Variants in DENR observed in about 807,000 individuals in gnomAD.
The protein encoded by DENR is density-regulated protein.
Under a neutral mutation model 30.6 loss-of-function variants are expected in DENR, and 6 were observed. The observed-to-expected ratio is 0.20, with a 90% CI of 0.11 to 0.39. The LOEUF (loss-of-function observed/expected upper bound fraction) is 0.39, where lower values mean the gene tolerates loss of function less well. Among genes scored for constraint, DENR ranks in the 10% least tolerant of loss-of-function variants. DENR has a pLI of 1.00. For missense variants in DENR, 141 were observed against 230.9 expected, an observed-to-expected ratio of 0.61 and a Z score of 2.52; for synonymous variants, 78 against 72.1, an observed-to-expected ratio of 1.08 and a Z score of -0.41.
Position 122,769,182 on chromosome 12 carries a change from ATATACACATATATGTATG to A in DENR, c.*117_*134del, listed in dbSNP as rs1306406110. The A allele has an allele frequency of 7.4e-6, 8 of 1,076,388 alleles. No homozygotes were observed. Among genetic ancestry groups the A allele is most frequent in the South Asian group, 2.6e-5 (1 of 38,230 alleles). The allele number at this position is 1,076,388 out of a possible 1,614,324, so 66.7% of individuals were successfully genotyped here. On this transcript the variant is annotated 3_prime_UTR_variant, in exon 8 of 8. Coordinates refer to ENST00000280557, the MANE Select transcript of DENR (RefSeq NM_003677.5). ...TATATATATACACATATATATGTAT[ATATACACATATATGTATG>A]TATACACATATACACATGTATATAT...
chr12:122,765,431 A>G lies in DENR; in HGVS notation c.295+44A>G, dbSNP rs1243189059. 2.7e-6 allele frequency: 4 copies of G among 1,466,378 alleles called. No homozygotes were observed. In the South Asian group the frequency reaches 5.1e-5, roughly 19 times the overall value. 90.8% of individuals were successfully genotyped at this position (1,466,378 alleles called of 1,614,324 possible). Reference sequence around the variant, plus strand: ...TCTTGATTTGTACAGTCATACCGTCACTGCGATAGAAAATGTAAGTAATTA... The same window carrying G: ...TCTTGATTTGTACAGTCATACCGTCGCTGCGATAGAAAATGTAAGTAATTA... On this transcript the variant is annotated intron_variant, in intron 5 of 7. Transcript: ENST00000280557.
At chr12:122,763,559 G>A (rs1158164605) in intron 4 of DENR, among the ~76,000 whole-genome samples, 2 of 152,080 alleles carry the variant, frequency 1.3e-5, no homozygotes, top group African/African-American at 4.8e-5. Context: ...TACAAAGCTG[G>A]GCGTGGTGGC....
chr12:122,767,641 C>A, intron 6 of DENR, 37 bp downstream of exon 6: 1 of 1,210,448 alleles, frequency 8.3e-7, no homozygotes, highest in South Asian at 1.5e-5. Flanking sequence ...AATGTGTGAA[C>A]TATTTTCTCT....
At chr12:122,759,875 A>G (rs1593760955) in intron 2 of DENR, among the ~76,000 whole-genome samples, 3 of 152,316 alleles carry the variant, frequency 2.0e-5, no homozygotes, top group African/African-American at 4.8e-5. Context: ...ATTGTGAGGA[A>G]TATAGGGCTG....
At chr12:122,765,635 AAGGGGG>A (rs1222778750) in intron 5 of DENR, among the ~76,000 whole-genome samples, 1 of 152,118 alleles carries the variant, frequency 6.6e-6, no homozygotes, top group Non-Finnish European at 1.5e-5. Context: ...CCCTTACAAA[AAGGGGG>A]AGGTTCCCAA....
In DENR at chr12:122,760,222, G is replaced by A. The variant is rs77511329; in HGVS notation, c.107-1965G>A. ...AGATGCAAGTGGTTATGTACTCTAA[G>A]CCTCAGTTTCATCATCTGAATATAG... On this transcript the variant is annotated intron_variant, in intron 2 of 7. Transcript: ENST00000280557. Among the ~76,000 whole-genome samples the A allele has an allele frequency of 2.6e-3, 401 of 152,282 alleles. 4 individuals carry two copies. The highest frequency in any genetic ancestry group is 9.5e-3 in the African/African-American group (393 of 41,538).
At chr12:122,754,415 A>G (rs895857080) in intron 2 of DENR, 7 of 153,018 alleles carry the variant, frequency 4.6e-5, no homozygotes, top group Non-Finnish European at 1.0e-4. Context: ...ATATAGAAAT[A>G]TTTGTGAATT....
At chr12:122,755,645 A>G (rs927095780) in intron 2 of DENR, among the ~76,000 whole-genome samples, 1 of 152,240 alleles carries the variant, frequency 6.6e-6, no homozygotes, top group Non-Finnish European at 1.5e-5. Flanking sequence ...GATGCTCAGA[A>G]TATAGATTCC....
intron 4 of DENR, 59 bp from the exon 5 acceptor site, chr12:122,765,242 TTTC>T (rs1878816580): frequency 2.9e-6 from 4 of 1,393,594 alleles, no homozygotes; most frequent in Non-Finnish European, 2.0e-6. Context: ...TCAAAGGTGA[TTTC>T]TTTTTTTTTA....
At chr12:122,765,160 C>T in intron 4 of DENR, 144 bp from the exon 5 acceptor site, 1 of 612,482 alleles carries the variant, frequency 1.6e-6, no homozygotes, top group South Asian at 2.1e-5. Context: ...AGAAATCTAG[C>T]AGTGTAATCC....
chr12:122,760,445 C>T (rs1878665968), intron 2 of DENR, among the ~76,000 whole-genome samples: 1 of 152,070 alleles, frequency 6.6e-6, no homozygotes, highest in Admixed American at 6.5e-5. Context: ...AACATAAAAA[C>T]AAAAGGCCGG....
intron 2 of DENR, among the ~76,000 whole-genome samples, chr12:122,758,839 A>ATTTTTTTTTTTTTT (rs1326385469): frequency 9.2e-6 from 1 of 109,060 alleles, no homozygotes. Context: ...TAGAGGCTTA[A>ATTTTTTTTTTTTTT]TTTTTTATTT....
chr12:122,757,126 G>C (rs1035939712), intron 2 of DENR, among the ~76,000 whole-genome samples: 6 of 152,162 alleles, frequency 3.9e-5, no homozygotes, highest in Non-Finnish European at 8.8e-5. Context: ...GAGAAAAATA[G>C]AAGCGATAGT....
chr12:122,767,564 G>T lies in DENR; in HGVS notation c.372G>T (p.Lys124Asn). ...KVTIAKIPRA[K>N]KKYVTRVCGL... ...CTATAGCCAAAATTCCCAGAGCAAA[G>T]AAGAAATATGTGACAAGAGTATGTG... The change falls in exon 6 of 8, where the codon AAG becomes AAT. Residue 124 changes from lysine (K) to asparagine (N), a missense_variant. Lys to Asn is a moderately conservative substitution (Grantham distance 94). Transcript: ENST00000280557. 6.2e-7 allele frequency: 1 copy of T among 1,603,180 alleles called. No individual in the cohort carries two copies. The highest frequency in any genetic ancestry group is 8.5e-7 in the Non-Finnish European group (1 of 1,175,132).
chr12:122,765,231 C>G, intron 4 of DENR, 73 bp from the exon 5 acceptor site: 2 of 1,284,420 alleles, frequency 1.6e-6, no homozygotes, highest in Non-Finnish European at 2.2e-6. Flanking sequence ...TATGAGGTTG[C>G]TCAAAGGTGA....
At position 122,765,319 on chromosome 12, in the gene DENR, A is replaced by G. The variant is rs1439103560; in HGVS notation, c.227A>G (p.Gln76Arg). 6.4e-7 allele frequency: 1 copy of G among 1,551,790 alleles called. No homozygotes were observed. Among genetic ancestry groups the G allele is most frequent in the Non-Finnish European group, 8.7e-7 (1 of 1,147,016 alleles). The change falls in exon 5 of 8, where the codon CAA becomes CGA. Residue 76 changes from glutamine (Q) to arginine (R), a missense_variant. Gln to Arg is a conservative substitution (Grantham distance 43). Around this residue, in one of 2 missense-constraint regions of DENR, gnomAD observed 104 missense variants for 138.3 expected, o/e 0.75. Coordinates refer to ENST00000280557, the MANE Select transcript of DENR (RefSeq NM_003677.5). ...AKLTVENSPKQEAGISEGQGT... is the reference protein window; with the variant it reads ...AKLTVENSPKREAGISEGQGT... Reference sequence around the variant, plus strand: ...TTATATCTAGAAAATTCACCCAAACAAGAAGCTGGAATTAGTGAGGGTCAA... The same window carrying G: ...TTATATCTAGAAAATTCACCCAAACGAGAAGCTGGAATTAGTGAGGGTCAA...
intron 3 of DENR, 67 bp downstream of exon 3, chr12:122,762,273 G>A: frequency 8.9e-7 from 1 of 1,118,876 alleles, no homozygotes; most frequent in Non-Finnish European, 1.3e-6. Context: ...AAGCTACCTT[G>A]AGAATTTTTT....
rs968535597 is a variant in DENR at position 122,770,888 on chromosome 12, C to T, written c.*1810C>T. The T allele has an allele frequency of 4.8e-5, 19 of 394,490 alleles. No individual in the cohort carries two copies. The highest frequency in any genetic ancestry group is 6.3e-4 in the Middle Eastern group (1 of 1,584). The allele number at this position is 394,490 out of a possible 1,614,324, so 24.4% of individuals were successfully genotyped here. On this transcript the variant is annotated 3_prime_UTR_variant, in exon 8 of 8. Transcript: ENST00000280557. Reference sequence around the variant, plus strand: ...TTATCCATCGAGACTATCTGGTATGCGTTATGTATGTAGTCTGTTGCTGCT... The same window carrying T: ...TTATCCATCGAGACTATCTGGTATGTGTTATGTATGTAGTCTGTTGCTGCT...
At chr12:122,759,656 G>C (rs896850741) in intron 2 of DENR, among the ~76,000 whole-genome samples, 4 of 152,218 alleles carry the variant, frequency 2.6e-5, no homozygotes, top group Admixed American at 2.6e-4. Flanking sequence ...AGGAGGTAGA[G>C]GTTGCAGCCA....
Sources: gnomAD v4.1 joint callset for allele counts (sites outside exome capture counted in the v4.1 genomes callset) on GRCh38, gnomAD v4.1.1 for gene constraint, gnomAD v4.1.1 regional missense constraint, MANE v1.5 for transcripts, NCBI Gene and HGNC (gene_info 2026-07-23, HGNC 2026-07-21) for gene names.